RIGI: variants seen among roughly 807,000 people sequenced by gnomAD.
RIGI encodes RNA sensor RIG-I, also known as antiviral innate immune response receptor RIG-I.
At chr9:32,456,526 T>C in the RIGI span, 1 of 154,006 alleles carries the variant, frequency 6.5e-6, no homozygotes, top group Non-Finnish European at 1.4e-5. Flanking sequence ...TATATACATG[T>C]ATATATATTG....
At chr9:32,493,130 G>T in the RIGI span, among the ~76,000 whole-genome samples, 1 of 152,150 alleles carries the variant, frequency 6.6e-6, no homozygotes, top group Non-Finnish European at 1.5e-5. Flanking sequence ...ACCGCTAGTG[G>T]TTGAGCTATG....
At chr9:32,491,200 A>G in the RIGI span, 2 of 1,389,804 alleles carry the variant, frequency 1.4e-6, no homozygotes, top group Non-Finnish European at 9.8e-7. Flanking sequence ...TTTCCTTACA[A>G]AACTTTTCAC....
the RIGI span, among the ~76,000 whole-genome samples, chr9:32,486,726 G>A: frequency 6.6e-6 from 1 of 152,126 alleles, no homozygotes; most frequent in African/African-American, 2.4e-5. Context: ...CAACATGGTT[G>A]GGTTTATGAA....
At chr9:32,503,086 C>T in the RIGI span, among the ~76,000 whole-genome samples, 9 of 152,246 alleles carry the variant, frequency 5.9e-5, no homozygotes, top group African/African-American at 1.9e-4. Context: ...ACAATCCTAC[C>T]GTATTCCATT....
the RIGI span, among the ~76,000 whole-genome samples, chr9:32,515,197 C>A: frequency 6.6e-6 from 1 of 151,752 alleles, no homozygotes; most frequent in Non-Finnish European, 1.5e-5. Flanking sequence ...GCCAGGAGTT[C>A]GAGACCAGCC....
the RIGI span, among the ~76,000 whole-genome samples, chr9:32,503,233 G>A: frequency 9.9e-5 from 15 of 152,164 alleles, no homozygotes; most frequent in African/African-American, 3.6e-4. Context: ...ATTTATCCCA[G>A]CCACAGCTAC....
the RIGI span, among the ~76,000 whole-genome samples, chr9:32,515,937 G>A: frequency 6.6e-6 from 1 of 152,132 alleles, no homozygotes; most frequent in Admixed American, 6.5e-5. Flanking sequence ...TCTTAAATGA[G>A]TGCTTGCACA....
At chr9:32,520,354 T>C in the RIGI span, among the ~76,000 whole-genome samples, 6 of 152,252 alleles carry the variant, frequency 3.9e-5, no homozygotes, top group East Asian at 1.2e-3. Context: ...TGTGACATAT[T>C]AGAGAGAATG....
chr9:32,511,714 C>T, the RIGI span, among the ~76,000 whole-genome samples: 5 of 151,950 alleles, frequency 3.3e-5, 1 homozygote, highest in South Asian at 8.3e-4. Context: ...TAGCAAAAGA[C>T]AAGAAATAAC....
At chr9:32,497,916 A>T in the RIGI span, among the ~76,000 whole-genome samples, 1 of 152,228 alleles carries the variant, frequency 6.6e-6, no homozygotes, top group African/African-American at 2.4e-5. Context: ...TTAAAATGAA[A>T]ATTAAAAGTA....
the RIGI span, among the ~76,000 whole-genome samples, chr9:32,491,928 T>C: frequency 1.3e-5 from 2 of 152,142 alleles, no homozygotes; most frequent in Admixed American, 6.5e-5. Flanking sequence ...AGAAACCAAA[T>C]GATAGTTCAG....
At chr9:32,464,872 C>CTA in the RIGI span, among the ~76,000 whole-genome samples, 3 of 152,200 alleles carry the variant, frequency 2.0e-5, no homozygotes. Context: ...ACCCCAAATG[C>CTA]TATTACATAG....
At chr9:32,522,134 C>T in the RIGI span, among the ~76,000 whole-genome samples, 1 of 152,110 alleles carries the variant, frequency 6.6e-6, no homozygotes, top group East Asian at 1.9e-4. Context: ...ATATGAAACA[C>T]AGCAGGAGTT....
chr9:32,484,582 A>G, the RIGI span, among the ~76,000 whole-genome samples: 12 of 152,180 alleles, frequency 7.9e-5, no homozygotes, highest in Non-Finnish European at 1.8e-4. Context: ...CCATTCAATC[A>G]TAACACTCAC....
the RIGI span, among the ~76,000 whole-genome samples, chr9:32,523,021 G>A: frequency 6.1e-4 from 93 of 152,212 alleles, no homozygotes; most frequent in African/African-American, 2.2e-3. Flanking sequence ...TGAGACACCA[G>A]GCCCCTCATT....
the RIGI span, chr9:32,498,181 G>T: frequency 2.3e-6 from 1 of 431,388 alleles, no homozygotes; most frequent in African/African-American, 2.0e-5. Flanking sequence ...AGTCTATGAA[G>T]GATGTGCAGT....
the RIGI span, among the ~76,000 whole-genome samples, chr9:32,518,731 C>A: frequency 6.6e-6 from 1 of 152,340 alleles, no homozygotes; most frequent in South Asian, 2.1e-4. Flanking sequence ...GATATAGCAA[C>A]AACCAAATTT....
At chr9:32,526,049 G>A in the RIGI span, 1 of 1,600,868 alleles carries the variant, frequency 6.2e-7, no homozygotes, top group Non-Finnish European at 8.6e-7. Flanking sequence ...AGGCGCCGCT[G>A]GAGACACTCA....
chr9:32,480,047 G>A, the RIGI span, among the ~76,000 whole-genome samples: 1 of 151,956 alleles, frequency 6.6e-6, no homozygotes, highest in Non-Finnish European at 1.5e-5. Context: ...TCTTCCCATA[G>A]GTACTAGATT....
Sources: allele counts gnomAD v4.1 joint callset (sites outside exome capture counted in the v4.1 genomes callset), GRCh38; gene constraint gnomAD v4.1.1; transcripts MANE v1.5; gene names NCBI Gene and HGNC (gene_info 2026-07-23, HGNC 2026-07-21).